The following SRFBP1 variants were observed in gnomAD, a reference collection of about 807,000 sequenced individuals.
The protein encoded by SRFBP1 is serum response factor binding protein 1, also known as serum response factor-binding protein 1.
In SRFBP1, 47 loss-of-function variants were observed where a neutral mutation model predicts 45.5. The ratio of observed to expected loss-of-function variants is 1.03; its 90% CI spans 0.82 to 1.32. The LOEUF (loss-of-function observed/expected upper bound fraction) is 1.32. Among genes scored for constraint, SRFBP1 ranks in the 40% most tolerant of loss-of-function variants. The pLI, the probability that SRFBP1 is intolerant of heterozygous loss-of-function variation, is 0.00. For missense variants in SRFBP1, 621 were observed against 484.6 expected, an observed-to-expected ratio of 1.28 and a Z score of -2.64; for synonymous variants, 203 against 166.3, an observed-to-expected ratio of 1.22 and a Z score of -1.70.
intron 2 of SRFBP1, among the ~76,000 whole-genome samples, chr5:122,037,720 G>A (rs181812182): frequency 4.0e-5 from 6 of 151,316 alleles, no homozygotes; most frequent in East Asian, 2.0e-4. Context: ...ACGTTGCCAC[G>A]TCGCCCAGGC....
At chr5:122,049,580 T>C (rs145731364) in intron 2 of SRFBP1, among the ~76,000 whole-genome samples, 1 of 152,160 alleles carries the variant, frequency 6.6e-6, no homozygotes, top group Non-Finnish European at 1.5e-5. Context: ...TACATTCTTC[T>C]CAGCACCACC....
rs61734327 is a variant in SRFBP1, at chr5:122,020,584, C to T, written c.849C>T (p.Asp283=). 1,536 of 1,613,800 alleles carry T rather than the reference C, an allele frequency of 9.5e-4. 16 individuals carry two copies. The African/African-American group carries it at 0.018, about 18-fold the overall frequency. The change falls in exon 6 of 8, where the codon GAC becomes GAT. Residue 283 remains aspartate (D), a synonymous_variant. Transcript: ENST00000339397. Reference sequence around the variant, plus strand: ...TGTCTGAAGATAGTGATAGCGGTGACGACTTCTTCATTGGGAAAGTCAGAC... The same window carrying T: ...TGTCTGAAGATAGTGATAGCGGTGATGACTTCTTCATTGGGAAAGTCAGAC... ...SSMSEDSDSG[D]DFFIGKVRRT...
intron 1 of SRFBP1, among the ~76,000 whole-genome samples, chr5:121,969,733 C>G (rs1186612913): frequency 6.6e-6 from 1 of 152,020 alleles, no homozygotes; most frequent in Non-Finnish European, 1.5e-5. Flanking sequence ...AATGCATTCT[C>G]TTGCTGTTTG....
intron 3 of SRFBP1, among the ~76,000 whole-genome samples, chr5:121,980,679 G>A (rs1275496868): frequency 3.3e-5 from 5 of 152,056 alleles, no homozygotes; most frequent in Admixed American, 6.6e-5. Flanking sequence ...TTATGAAGTC[G>A]CAGAGATCCT....
chr5:122,040,466 G>C (rs745339126), intron 2 of SRFBP1, among the ~76,000 whole-genome samples: 1 of 152,144 alleles, frequency 6.6e-6, no homozygotes, highest in African/African-American at 2.4e-5. Flanking sequence ...AAATTAAAAG[G>C]ATGTTTTTCA....
At chr5:122,000,986 A>G (rs1378335717) in intron 4 of SRFBP1, among the ~76,000 whole-genome samples, 2 of 152,132 alleles carry the variant, frequency 1.3e-5, no homozygotes, top group African/African-American at 2.4e-5. Context: ...AAAATTTGAC[A>G]TACACTGACT....
chr5:122,030,006 A>G (rs937267365), downstream of SRFBP1, among the ~76,000 whole-genome samples: 4 of 152,186 alleles, frequency 2.6e-5, no homozygotes, highest in African/African-American at 7.2e-5. Flanking sequence ...CTTAGAATAC[A>G]TACACAAGCT....
At chr5:122,011,927 G>C (rs1403701826) in intron 4 of SRFBP1, among the ~76,000 whole-genome samples, 1 of 152,074 alleles carries the variant, frequency 6.6e-6, no homozygotes, top group East Asian at 1.9e-4. Flanking sequence ...TGCTTCACCA[G>C]CTTTCTTTTT....
chr5:121,971,445 T>C (rs935681110), intron 1 of SRFBP1, among the ~76,000 whole-genome samples: 12 of 151,964 alleles, frequency 7.9e-5, no homozygotes, highest in African/African-American at 2.9e-4. Context: ...AAACCCCCCC[T>C]CCCCACAAAA....
chr5:122,048,842 T>C lies in SRFBP1; in HGVS notation n.311+26435T>C, dbSNP rs572947206. ...TCTAGTTTATTTGCGTAGAGGTGTT[T>C]ATAGTATTCTCTGATGGTAGTTTGT... On this transcript the variant is annotated intron_variant and non_coding_transcript_variant, in intron 2 of 2. Transcript: ENST00000504881. Among the ~76,000 whole-genome samples the C allele has an allele frequency of 1.7e-3, 265 of 152,318 alleles. 1 individual carries two copies. Among genetic ancestry groups the C allele is most frequent in the African/African-American group, 6.2e-3 (258 of 41,576 alleles).
chr5:122,013,161 T>C (rs17417314), intron 4 of SRFBP1, among the ~76,000 whole-genome samples: 12,612 of 152,142 alleles, frequency 0.083, 834 homozygotes, highest in African/African-American at 0.18. Flanking sequence ...TTATTTTGCC[T>C]GAAAACTTCA....
downstream of SRFBP1, chr5:122,078,233 G>A (rs1160620249): frequency 4.9e-6 from 2 of 407,086 alleles, no homozygotes; most frequent in Non-Finnish European, 4.3e-6. Context: ...GGAGCGGCGC[G>A]GCAGTCCCGG....
intron 2 of SRFBP1, among the ~76,000 whole-genome samples, chr5:122,071,193 A>ATGTG (rs35544795): frequency 0.019 from 2,887 of 149,920 alleles, 56 homozygotes; most frequent in African/African-American, 0.051. Context: ...AAACATTTAT[A>ATGTG]TGTGTGTGTG....
intron 4 of SRFBP1, among the ~76,000 whole-genome samples, chr5:122,009,692 T>C (rs746323140): frequency 6.6e-6 from 1 of 152,188 alleles, no homozygotes; most frequent in Non-Finnish European, 1.5e-5. Flanking sequence ...TAGATGAGCA[T>C]GGTCCTGAAA....
chr5:122,021,649 T>A, intron 6 of SRFBP1, among the ~76,000 whole-genome samples: 1 of 151,324 alleles, frequency 6.6e-6, no homozygotes, highest in Middle Eastern at 3.4e-3. Context: ...CCACTATCCC[T>A]TTACCACAAA....
downstream of SRFBP1, chr5:122,075,603 C>G (rs1482695668): frequency 1.5e-5 from 17 of 1,115,132 alleles, no homozygotes; most frequent in Non-Finnish European, 2.2e-5. Context: ...GACAAAACTA[C>G]AAATAAAACA....
intron 2 of SRFBP1, among the ~76,000 whole-genome samples, chr5:122,033,716 C>T (rs1278584810): frequency 2.6e-5 from 4 of 152,042 alleles, no homozygotes; most frequent in East Asian, 1.9e-4. Flanking sequence ...GCCTCAGACT[C>T]CCAGAGCGCT....
intron 1 of SRFBP1, among the ~76,000 whole-genome samples, chr5:121,967,653 T>A (rs1196955435): frequency 1.3e-5 from 2 of 152,080 alleles, no homozygotes; most frequent in African/African-American, 4.8e-5. Context: ...GGCGACATGG[T>A]GAAACCCCGT....
chr5:122,060,694 T>G (rs1754156184), intron 2 of SRFBP1, among the ~76,000 whole-genome samples: 1 of 151,992 alleles, frequency 6.6e-6, no homozygotes, highest in Non-Finnish European at 1.5e-5. Flanking sequence ...GGCAACCAGA[T>G]TTGCATCTTC....
Sources: gnomAD v4.1 joint callset for allele counts (sites outside exome capture counted in the v4.1 genomes callset) on GRCh38, gnomAD v4.1.1 for gene constraint, MANE v1.5 for transcripts, NCBI Gene and HGNC (gene_info 2026-07-23, HGNC 2026-07-21) for gene names.